Variants in CLSTN2 observed in about 807,000 individuals in gnomAD.
CLSTN2 encodes calsyntenin-2.
A neutral mutation model predicts 101.2 loss-of-function variants in CLSTN2; 48 were observed. That is an observed-to-expected ratio of 0.47 (90% confidence interval 0.38 to 0.60). CLSTN2 has a LOEUF of 0.60. Among genes scored for constraint, CLSTN2 ranks in the 20% least tolerant of loss-of-function variants. The probability of loss-of-function intolerance (pLI) is 0.00; values close to 1 mark genes in which losing one functional copy is unlikely to be tolerated. For synonymous variants in CLSTN2, 481 were observed against 463.6 expected, an observed-to-expected ratio of 1.04 and a Z score of -0.48; for missense variants, 1,160 against 1,238.2, an observed-to-expected ratio of 0.94 and a Z score of 0.95.
intron 1 of CLSTN2, among the ~76,000 whole-genome samples, chr3:140,134,276 A>G (rs910388338): frequency 6.6e-6 from 1 of 152,158 alleles, no homozygotes; most frequent in Non-Finnish European, 1.5e-5. Context: ...TCTAAGCTGA[A>G]TATTTTCCTT....
chr3:140,082,238 T>A (rs2107781657), intron 1 of CLSTN2, among the ~76,000 whole-genome samples: 1 of 152,342 alleles, frequency 6.6e-6, no homozygotes, highest in African/African-American at 2.4e-5. Flanking sequence ...GTTATTTGAC[T>A]ACTGGGGGCT....
intron 1 of CLSTN2, among the ~76,000 whole-genome samples, chr3:140,034,455 TGG>T (rs1157653520): frequency 1.3e-5 from 2 of 152,220 alleles, no homozygotes; most frequent in African/African-American, 4.8e-5. Flanking sequence ...AAGTTTGAAA[TGG>T]GGCTTGTACT....
intron 6 of CLSTN2, among the ~76,000 whole-genome samples, chr3:140,455,041 C>A (rs532085007): frequency 6.6e-6 from 1 of 152,344 alleles, no homozygotes; most frequent in East Asian, 1.9e-4. Context: ...AAATAAAAGA[C>A]TTTCATTGCA....
intron 1 of CLSTN2, among the ~76,000 whole-genome samples, chr3:140,165,551 C>T (rs561570445): frequency 4.6e-5 from 7 of 151,936 alleles, no homozygotes; most frequent in Non-Finnish European, 7.4e-5. Flanking sequence ...GGAGGGCAAC[C>T]GGGGGAGGGG....
chr3:140,481,181 C>T (rs1934109461), intron 8 of CLSTN2, among the ~76,000 whole-genome samples: 1 of 152,130 alleles, frequency 6.6e-6, no homozygotes, highest in South Asian at 2.1e-4. Context: ...CCAGTTTTCC[C>T]AGCACCATTT....
chr3:140,558,519 G>A (rs1935844263), intron 11 of CLSTN2, 121 bp from the exon 12 acceptor site: 1 of 681,202 alleles, frequency 1.5e-6, no homozygotes, highest in East Asian at 2.7e-5. Context: ...CATCCTCAGA[G>A]ACACTTACGC....
chr3:140,552,408 A>AG (rs1935720862), intron 10 of CLSTN2, among the ~76,000 whole-genome samples: 1 of 151,430 alleles, frequency 6.6e-6, no homozygotes, highest in Non-Finnish European at 1.5e-5. Flanking sequence ...GTTTAAAAAA[A>AG]AAAAAAAAAA....
chr3:140,406,042 G>C (rs145153426), intron 4 of CLSTN2, among the ~76,000 whole-genome samples: 2 of 152,272 alleles, frequency 1.3e-5, no homozygotes, highest in Non-Finnish European at 2.9e-5. Flanking sequence ...GAAAAAAATA[G>C]AAAATCCAGT....
intron 2 of CLSTN2, among the ~76,000 whole-genome samples, chr3:140,302,154 G>C (rs1576506145): frequency 6.6e-6 from 1 of 152,270 alleles, no homozygotes; most frequent in Admixed American, 6.5e-5. Flanking sequence ...TTTGAGGCTT[G>C]GTTGGGTTTT....
chr3:140,294,267 A>G (rs1052373742), intron 2 of CLSTN2, among the ~76,000 whole-genome samples: 6 of 152,226 alleles, frequency 3.9e-5, no homozygotes, highest in African/African-American at 7.2e-5. Context: ...CAAAGTTTAG[A>G]AATTGTAACA....
At chr3:140,323,373 G>A (rs1003550301) in intron 2 of CLSTN2, among the ~76,000 whole-genome samples, 1 of 152,248 alleles carries the variant, frequency 6.6e-6, no homozygotes, top group Non-Finnish European at 1.5e-5. Flanking sequence ...TACAAGGGAA[G>A]ATAAAATAAG....
chr3:140,041,251 T>C (rs2107763810), intron 1 of CLSTN2, among the ~76,000 whole-genome samples: 1 of 152,332 alleles, frequency 6.6e-6, no homozygotes, highest in Middle Eastern at 3.4e-3. Flanking sequence ...TAAAGGAAGG[T>C]CACTTGGCCA....
At chr3:140,213,509 C>G (rs1378595594) in intron 2 of CLSTN2, among the ~76,000 whole-genome samples, 1 of 152,174 alleles carries the variant, frequency 6.6e-6, no homozygotes, top group Admixed American at 6.5e-5. Context: ...TCTGCTGATT[C>G]TTAGCAGAGT....
chr3:140,405,248 A>T (rs1202672781), intron 4 of CLSTN2, among the ~76,000 whole-genome samples: 1 of 150,326 alleles, frequency 6.7e-6, no homozygotes, highest in African/African-American at 2.4e-5. Context: ...TTTTTTTGAG[A>T]TGGAGTTTCG....
chr3:140,077,463 T>G lies in CLSTN2; in HGVS notation c.110-98488T>G, dbSNP rs1391679222. On this transcript the variant is annotated intron_variant, in intron 1 of 16. Transcript: ENST00000458420. ...AAACTCCTTCCTTGAACCAAGGTTC[T>G]TAATCTAAGAGCTCTATTGGTGGTT... is the stretch of plus-strand genomic sequence containing the variant. Among the ~76,000 whole-genome samples the G allele has an allele frequency of 4.6e-5, 7 of 152,194 alleles. No individual in the cohort carries two copies. In the South Asian group the frequency reaches 1.4e-3, roughly 31 times the overall value.
In CLSTN2 at chr3:140,378,015, C is replaced by T. The variant is rs192582374; in HGVS notation, c.233-25614C>T. On this transcript the variant is annotated intron_variant, in intron 2 of 16. Transcript: ENST00000458420. ...ATGTTTAGGTATGTTAAGATACACACGTAGTTACTATTTTATTATAATTTC... is the reference window on the plus strand; with the variant it reads ...ATGTTTAGGTATGTTAAGATACACATGTAGTTACTATTTTATTATAATTTC... 1.3e-4 allele frequency among the ~76,000 whole-genome samples: 20 copies of T among 152,266 alleles called. No homozygotes were observed. The East Asian group carries it at 2.5e-3, about 19-fold the overall frequency.
intron 1 of CLSTN2, among the ~76,000 whole-genome samples, chr3:139,936,220 G>A (rs1935016657): frequency 6.6e-6 from 1 of 152,214 alleles, no homozygotes; most frequent in Non-Finnish European, 1.5e-5. Context: ...GGCTCTGTCA[G>A]GCGAGCCTGG....
chr3:140,262,040 T>C (rs1301615870), intron 2 of CLSTN2, among the ~76,000 whole-genome samples: 1 of 152,204 alleles, frequency 6.6e-6, no homozygotes, highest in Non-Finnish European at 1.5e-5. Context: ...CCTGTCCTGC[T>C]CAATTAGCTG....
At chr3:140,435,973 TC>T (rs1419360579) in intron 5 of CLSTN2, among the ~76,000 whole-genome samples, 4 of 152,230 alleles carry the variant, frequency 2.6e-5, no homozygotes, top group South Asian at 4.1e-4. Context: ...TGGTCATTAA[TC>T]CCTTGTCAGA....
Sources: allele counts gnomAD v4.1 joint callset (sites outside exome capture counted in the v4.1 genomes callset), GRCh38; gene constraint gnomAD v4.1.1; transcripts MANE v1.5; gene names NCBI Gene and HGNC (gene_info 2026-07-23, HGNC 2026-07-21).